OSBPL10: variants seen among roughly 807,000 people sequenced by gnomAD.
The protein encoded by OSBPL10 is oxysterol binding protein like 10, also known as oxysterol-binding protein-related protein 10.
In OSBPL10, 49 loss-of-function variants were observed where a neutral mutation model predicts 81.7. The observed-to-expected ratio is 0.60, with a 90% CI of 0.48 to 0.76. The LOEUF (loss-of-function observed/expected upper bound fraction) is 0.76. OSBPL10 is among the 30% of genes least tolerant of loss of function. The pLI, the probability that OSBPL10 is intolerant of heterozygous loss-of-function variation, is 0.00. For synonymous variants in OSBPL10, 419 were observed against 383.6 expected, an observed-to-expected ratio of 1.09 and a Z score of -1.08; for missense variants, 923 against 987.8, an observed-to-expected ratio of 0.93 and a Z score of 0.88.
intron 1 of OSBPL10, among the ~76,000 whole-genome samples, chr3:31,909,765 C>T (rs1314486256): frequency 2.0e-5 from 3 of 152,210 alleles, no homozygotes; most frequent in South Asian, 4.1e-4. Flanking sequence ...GAAACACATG[C>T]GACTTTGCCT....
intron 1 of OSBPL10, among the ~76,000 whole-genome samples, chr3:31,939,773 C>T (rs1378644054): frequency 6.6e-6 from 1 of 152,192 alleles, no homozygotes; most frequent in Non-Finnish European, 1.5e-5. Context: ...CCTCTGTCTG[C>T]CTTTTACTTC....
intron 1 of OSBPL10, among the ~76,000 whole-genome samples, chr3:31,957,908 G>C (rs1386257317): frequency 6.6e-6 from 1 of 152,194 alleles, no homozygotes; most frequent in Non-Finnish European, 1.5e-5. Context: ...CAAAGTGCTA[G>C]GATTACAGGC....
chr3:32,006,914 A>G (rs1699211508), intron 2 of OSBPL10, among the ~76,000 whole-genome samples: 1 of 151,964 alleles, frequency 6.6e-6, no homozygotes, highest in Admixed American at 6.6e-5. Context: ...TTCTATAGAC[A>G]TTTTATTTAT....
intron 3 of OSBPL10, among the ~76,000 whole-genome samples, chr3:31,850,793 C>T (rs898712653): frequency 3.3e-5 from 5 of 152,128 alleles, no homozygotes; most frequent in African/African-American, 7.2e-5. Flanking sequence ...CTTGCAATGT[C>T]GCTATAAAAC....
intron 1 of OSBPL10, among the ~76,000 whole-genome samples, chr3:32,047,960 C>A (rs912764422): frequency 2.0e-5 from 3 of 152,098 alleles, no homozygotes; most frequent in Non-Finnish European, 4.4e-5. Context: ...CCACCACGCC[C>A]GGCCTACAAC....
At chr3:31,850,574 A>G (rs959423527) in intron 3 of OSBPL10, among the ~76,000 whole-genome samples, 8 of 152,194 alleles carry the variant, frequency 5.3e-5, no homozygotes, top group Non-Finnish European at 1.0e-4. Context: ...ATTCTACTTC[A>G]TTAAAACAAA....
intron 4 of OSBPL10, among the ~76,000 whole-genome samples, chr3:31,790,142 CAT>C (rs1255161380): frequency 6.6e-6 from 1 of 152,168 alleles, no homozygotes. Flanking sequence ...CCGATAAACA[CAT>C]GACATGCTTC....
At chr3:31,806,926 G>T (rs1437050119) in intron 4 of OSBPL10, among the ~76,000 whole-genome samples, 1 of 151,992 alleles carries the variant, frequency 6.6e-6, no homozygotes, top group East Asian at 1.9e-4. Flanking sequence ...AGGAAACAGG[G>T]GTCTGGGAGG....
Position 31,664,639 on chromosome 3 carries a change from A to T in OSBPL10, c.2097-407T>A, listed in dbSNP as rs540841653. Reference sequence around the variant, plus strand: ...GATATATTATAGACGGTAGATTCTTATCTCCATTTTACAGAGGAGAAAATT... The same window carrying T: ...GATATATTATAGACGGTAGATTCTTTTCTCCATTTTACAGAGGAGAAAATT... On this transcript the variant is annotated intron_variant, in intron 10 of 11. Coordinates refer to ENST00000396556, the MANE Select transcript of OSBPL10 (RefSeq NM_017784.5). The T allele has an allele frequency of 1.4e-5, 3 of 211,984 alleles. No homozygotes were observed. In the Admixed American group the frequency reaches 1.6e-4, roughly 11 times the overall value. 13.1% of individuals were successfully genotyped at this position (211,984 alleles called of 1,614,324 possible). A position where few individuals can be genotyped will look rare whatever the true frequency, so the allele number is the denominator to read the frequency against.
intron 1 of OSBPL10, among the ~76,000 whole-genome samples, chr3:31,979,352 A>G (rs1698766596): frequency 1.3e-5 from 2 of 152,222 alleles, no homozygotes; most frequent in Admixed American, 6.5e-5. Flanking sequence ...AGAAAGTCCT[A>G]TATGTAGAAT....
At chr3:31,947,517 AC>A (rs1697738037) in intron 1 of OSBPL10, among the ~76,000 whole-genome samples, 1 of 152,166 alleles carries the variant, frequency 6.6e-6, no homozygotes, top group South Asian at 2.1e-4. Flanking sequence ...GAAGTCCCCT[AC>A]CAGCTCCTCT....
intron 5 of OSBPL10, among the ~76,000 whole-genome samples, chr3:31,747,555 A>C (rs1394071238): frequency 6.6e-6 from 1 of 151,590 alleles, no homozygotes; most frequent in Non-Finnish European, 1.5e-5. Flanking sequence ...TGAGACTTAT[A>C]ATGTGATGCC....
intron 1 of OSBPL10, among the ~76,000 whole-genome samples, chr3:31,914,763 A>G (rs1253881117): frequency 6.6e-6 from 1 of 152,240 alleles, no homozygotes; most frequent in African/African-American, 2.4e-5. Flanking sequence ...ATAAAATTAA[A>G]TAAAATAAAA....
At chr3:31,674,971 T>C (rs964566707) in intron 8 of OSBPL10, among the ~76,000 whole-genome samples, 6 of 152,200 alleles carry the variant, frequency 3.9e-5, no homozygotes, top group African/African-American at 1.4e-4. Flanking sequence ...AGGCTAGGTA[T>C]ATTAAATGTA....
At chr3:31,956,705 G>T (rs1698018486) in intron 1 of OSBPL10, among the ~76,000 whole-genome samples, 1 of 151,996 alleles carries the variant, frequency 6.6e-6, no homozygotes, top group African/African-American at 2.4e-5. Context: ...TCCAACCTGG[G>T]CGACAAGAGC....
intron 4 of OSBPL10, among the ~76,000 whole-genome samples, chr3:31,782,554 C>T (rs1698722810): frequency 6.6e-6 from 1 of 152,124 alleles, no homozygotes; most frequent in Non-Finnish European, 1.5e-5. Flanking sequence ...TGACAAAGGA[C>T]TAATATGCAG....
At chr3:31,951,404 T>C in intron 1 of OSBPL10, among the ~76,000 whole-genome samples, 1 of 152,076 alleles carries the variant, frequency 6.6e-6, no homozygotes, top group Non-Finnish European at 1.5e-5. Flanking sequence ...TACTTTATAT[T>C]ATACAAAGGT....
chr3:31,899,146 T>C (rs927467137), intron 1 of OSBPL10, among the ~76,000 whole-genome samples: 3 of 152,028 alleles, frequency 2.0e-5, no homozygotes, highest in African/African-American at 7.2e-5. Context: ...TTCACCGTGT[T>C]GCCCAGGCTG....
chr3:32,012,275 G>C (rs1017492921), intron 2 of OSBPL10, among the ~76,000 whole-genome samples: 7 of 152,158 alleles, frequency 4.6e-5, no homozygotes, highest in South Asian at 2.1e-4. Flanking sequence ...AGAAGAGAGT[G>C]GGGGCCAATA....
Sources: allele counts gnomAD v4.1 joint callset (sites outside exome capture counted in the v4.1 genomes callset), GRCh38; gene constraint gnomAD v4.1.1; transcripts MANE v1.5; gene names NCBI Gene and HGNC (gene_info 2026-07-23, HGNC 2026-07-21).